ZNF385D: variants seen among roughly 807,000 people sequenced by gnomAD.
ZNF385D encodes the protein zinc finger protein 385D, also known as zinc finger protein 659.
In ZNF385D, 15 loss-of-function variants were observed where a neutral mutation model predicts 35.8. The observed-to-expected ratio is 0.42, with a 90% CI of 0.28 to 0.64. The LOEUF (loss-of-function observed/expected upper bound fraction) is 0.64, where lower values mean the gene tolerates loss of function less well. ZNF385D is among the 30% of genes least tolerant of loss of function. The pLI, the probability that ZNF385D is intolerant of heterozygous loss-of-function variation, is 0.23. For missense variants in ZNF385D, 474 were observed against 494.6 expected (o/e 0.96, Z 0.39); for synonymous variants, 212 against 186.8 (o/e 1.13, Z -1.10).
chr3:21,970,956 C>A (rs1585862), intron 3 of ZNF385D, among the ~76,000 whole-genome samples: 3 of 151,704 alleles, frequency 2.0e-5, no homozygotes, highest in Middle Eastern at 3.2e-3. Context: ...TCTTAGAGTA[C>A]TATATCCAGT....
At chr3:21,630,974 G>GAGTTTCGT (rs996450585) in intron 2 of ZNF385D, among the ~76,000 whole-genome samples, 2 of 152,146 alleles carry the variant, frequency 1.3e-5, no homozygotes, top group Admixed American at 1.3e-4. Flanking sequence ...GTCATCTATC[G>GAGTTTCGT]AGTTTCGTAG....
At chr3:21,882,286 G>T (rs1342774972) in intron 3 of ZNF385D, among the ~76,000 whole-genome samples, 2 of 151,898 alleles carry the variant, frequency 1.3e-5, no homozygotes, top group African/African-American at 4.8e-5. Context: ...TCAAACTTCA[G>T]CAACCACCAT....
chr3:21,839,559 T>C (rs1413210467), intron 3 of ZNF385D, among the ~76,000 whole-genome samples: 2 of 152,100 alleles, frequency 1.3e-5, no homozygotes, highest in Non-Finnish European at 2.9e-5. Flanking sequence ...CAAGAGAGGC[T>C]AGCTTTTTCT....
intron 2 of ZNF385D, among the ~76,000 whole-genome samples, chr3:22,348,054 G>A (rs1449427207): frequency 3.9e-5 from 6 of 151,970 alleles, no homozygotes; most frequent in Non-Finnish European, 4.4e-5. Context: ...TAAGGTCTAC[G>A]CTTAGAATAT....
chr3:21,849,860 C>T (rs895081775), intron 3 of ZNF385D: 1 of 151,982 alleles, frequency 6.6e-6, no homozygotes, highest in Non-Finnish European at 1.5e-5. Context: ...ATTCTCCTGC[C>T]TCTGCCTTCA....
At chr3:21,905,689 AATATATAT>A (rs4044583) in intron 3 of ZNF385D, among the ~76,000 whole-genome samples, 1 of 148,710 alleles carries the variant, frequency 6.7e-6, no homozygotes, top group Admixed American at 6.7e-5. Context: ...CATCTGTGGT[AATATATAT>A]ATATATATAT....
intron 2 of ZNF385D, among the ~76,000 whole-genome samples, chr3:22,198,389 T>C (rs995624943): frequency 6.6e-6 from 1 of 152,126 alleles, no homozygotes; most frequent in Non-Finnish European, 1.5e-5. Flanking sequence ...AGCTTCAAGA[T>C]AATTAATGAT....
intron 3 of ZNF385D, among the ~76,000 whole-genome samples, chr3:21,771,861 G>C (rs2071091153): frequency 6.6e-6 from 1 of 151,864 alleles, no homozygotes; most frequent in South Asian, 2.1e-4. Flanking sequence ...TTCAAAATAG[G>C]GTGATACTGG....
chr3:21,772,271 A>C (rs1444598313), intron 3 of ZNF385D, among the ~76,000 whole-genome samples: 4 of 151,932 alleles, frequency 2.6e-5, no homozygotes, highest in Non-Finnish European at 5.9e-5. Context: ...AAAAGATACT[A>C]TCAGCAGAGT....
At chr3:22,180,339 C>T (rs541237343) in intron 2 of ZNF385D, among the ~76,000 whole-genome samples, 42 of 152,264 alleles carry the variant, frequency 2.8e-4, no homozygotes, top group African/African-American at 8.9e-4. Flanking sequence ...GATTCACAGC[C>T]GAATTCTAAC....
At chr3:22,216,937 C>T (rs1308315714) in intron 2 of ZNF385D, among the ~76,000 whole-genome samples, 1 of 152,144 alleles carries the variant, frequency 6.6e-6, no homozygotes, top group Non-Finnish European at 1.5e-5. Flanking sequence ...CACAAATCAA[C>T]ACTGGAGAGA....
chr3:21,512,119 C>T (rs1275048542), intron 3 of ZNF385D, among the ~76,000 whole-genome samples: 7 of 136,942 alleles, frequency 5.1e-5, no homozygotes, highest in Non-Finnish European at 7.6e-5. Context: ...TGTACTCCAG[C>T]CTGGTGACAG....
intron 5 of ZNF385D, among the ~76,000 whole-genome samples, chr3:21,426,622 A>G (rs567610436): frequency 2.3e-4 from 35 of 151,684 alleles, no homozygotes; most frequent in Non-Finnish European, 5.2e-4. Flanking sequence ...TCTTTCTGCC[A>G]TTCTGATTTT....
chr3:21,566,723 A>C (rs1282175970), intron 2 of ZNF385D, among the ~76,000 whole-genome samples: 1 of 152,178 alleles, frequency 6.6e-6, no homozygotes, highest in African/African-American at 2.4e-5. Context: ...TTTACATACA[A>C]TAAAAATCAC....
chr3:21,943,630 G>A (rs969316941), intron 3 of ZNF385D, among the ~76,000 whole-genome samples: 2 of 152,002 alleles, frequency 1.3e-5, no homozygotes, highest in African/African-American at 4.8e-5. Flanking sequence ...TGTCTTTTAT[G>A]TACATAATGA....
intron 2 of ZNF385D, among the ~76,000 whole-genome samples, chr3:22,330,202 T>A (rs188594750): frequency 6.6e-6 from 1 of 152,354 alleles, no homozygotes; most frequent in Non-Finnish European, 1.5e-5. Flanking sequence ...TTCTGCCTTT[T>A]ACACTTTCAT....
In ZNF385D at chr3:21,787,893, G is replaced by C. The variant is rs557381432; in HGVS notation, c.326-122865C>G. 1.9e-3 allele frequency among the ~76,000 whole-genome samples: 271 copies of C among 143,488 alleles called. 1 individual carries two copies. Among genetic ancestry groups the C allele is most frequent in the South Asian group, 0.016 (71 of 4,410 alleles). The allele number at this position is 143,488 out of a possible 152,430, so 94.1% of individuals were successfully genotyped here. A position where few individuals can be genotyped will look rare whatever the true frequency, so the allele number is the denominator to read the frequency against. ...GGAGGCGGAGCTTGCAGAGAGGCGA[G>C]ATCGAGCCACTGCACTCCAGCCTGG... On this transcript the variant is annotated intron_variant, in intron 3 of 5. Transcript: ENST00000494108.
chr3:22,045,009 A>G (rs1018113386), intron 3 of ZNF385D, among the ~76,000 whole-genome samples: 2 of 152,088 alleles, frequency 1.3e-5, no homozygotes, highest in African/African-American at 4.8e-5. Context: ...GCAAAACTCA[A>G]TCTCGAAAAA....
intron 2 of ZNF385D, among the ~76,000 whole-genome samples, chr3:22,289,622 AG>A (rs753122850): frequency 2.6e-5 from 4 of 152,288 alleles, no homozygotes; most frequent in Non-Finnish European, 5.9e-5. Flanking sequence ...TAGGAGGTTT[AG>A]GCCTTGGGAA....
Sources: allele counts gnomAD v4.1 joint callset (sites outside exome capture counted in the v4.1 genomes callset), GRCh38; gene constraint gnomAD v4.1.1; transcripts MANE v1.5; gene names NCBI Gene and HGNC (gene_info 2026-07-23, HGNC 2026-07-21).